NSMCE2: variants seen among roughly 807,000 people sequenced by gnomAD.
NSMCE2 encodes the protein NSE2 SUMO ligase component of SMC5/6 complex.
A neutral mutation model predicts 23.8 loss-of-function variants in NSMCE2; 24 were observed. That is an observed-to-expected ratio of 1.01 (90% confidence interval 0.73 to 1.42). The LOEUF is 1.42. NSMCE2 is among the 40% of genes most tolerant of loss of function. NSMCE2 has a pLI of 0.00. For missense variants in NSMCE2, 284 were observed against 296.5 expected (o/e 0.96, Z 0.31); for synonymous variants, 92 against 94.1 (o/e 0.98, Z 0.13).
At chr8:125,137,029 T>TGTCA (rs1820102764) in intron 3 of NSMCE2, among the ~76,000 whole-genome samples, 1 of 152,138 alleles carries the variant, frequency 6.6e-6, no homozygotes, top group African/African-American at 2.4e-5. Context: ...TTTTTGGTGG[T>TGTCA]GTCAGTGATT....
intron 4 of NSMCE2, among the ~76,000 whole-genome samples, chr8:125,177,354 C>T (rs1156609901): frequency 7.9e-5 from 12 of 152,180 alleles, no homozygotes; most frequent in African/African-American, 2.9e-4. Context: ...TCTATCATAA[C>T]AACTTCTAGC....
intron 5 of NSMCE2, among the ~76,000 whole-genome samples, chr8:125,289,018 C>T (rs1029605397): frequency 1.3e-5 from 2 of 152,090 alleles, no homozygotes; most frequent in African/African-American, 2.4e-5. Context: ...TCTCAAACTC[C>T]TGAGCTCAAG....
intron 3 of NSMCE2, among the ~76,000 whole-genome samples, chr8:125,118,809 G>A (rs983974745): frequency 3.3e-5 from 5 of 152,134 alleles, no homozygotes; most frequent in African/African-American, 1.2e-4. Flanking sequence ...CTCCTTTTCA[G>A]TTGTGTGGGT....
chr8:125,102,379 T>C lies in NSMCE2; in HGVS notation c.49T>C (p.Phe17Leu), dbSNP rs1310118326. 1 of 1,613,754 alleles carries C rather than the reference T, an allele frequency of 6.2e-7. No homozygotes were observed. Among genetic ancestry groups the C allele is most frequent in the Non-Finnish European group, 8.5e-7 (1 of 1,179,630 alleles). Residue 17 changes from phenylalanine (F) to leucine (L), a missense_variant, in exon 3 of 8, where the codon TTC becomes CTC. Phe to Leu is a conservative substitution (Grantham distance 22). Coordinates refer to ENST00000287437, the MANE Select transcript of NSMCE2 (RefSeq NM_173685.4). ...TTCAGGTTCAACTGGTTTCATCTCC[T>C]TCAGTGGTGTAGAGTCTGCTCTCTC... is the stretch of plus-strand genomic sequence containing the variant. The part of the protein sequence containing the change: ...SNSGSTGFIS[F>L]SGVESALSSL...
At chr8:125,259,326 C>T (rs1234308589) in intron 5 of NSMCE2, among the ~76,000 whole-genome samples, 1 of 152,174 alleles carries the variant, frequency 6.6e-6, no homozygotes. Flanking sequence ...CTGGGCCGCA[C>T]AGCAGGAGGT....
rs1210906218 is a variant in NSMCE2, at chr8:125,102,494, A to T, written c.157+7A>T. On this transcript the variant is annotated splice_region_variant and intron_variant, in intron 3 of 7. Coordinates refer to ENST00000287437, the MANE Select transcript of NSMCE2 (RefSeq NM_173685.4). Reference sequence around the variant, plus strand: ...GATCTTGTGGAAAGTCAGAGTAAGTAAAATTAAAACCTCTTTTGTGTCTAC... The same window carrying T: ...GATCTTGTGGAAAGTCAGAGTAAGTTAAATTAAAACCTCTTTTGTGTCTAC... 1.9e-6 allele frequency: 3 copies of T among 1,611,886 alleles called. No homozygotes were observed. Among genetic ancestry groups the T allele is most frequent in the Non-Finnish European group, 2.5e-6 (3 of 1,178,042 alleles).
At chr8:125,362,914 C>T (rs996308531) in intron 7 of NSMCE2, 4 of 152,274 alleles carry the variant, frequency 2.6e-5, no homozygotes, top group African/African-American at 9.7e-5. Flanking sequence ...CATGCACTGA[C>T]TAAAACCATG....
chr8:125,241,876 C>T (rs1825777851), intron 5 of NSMCE2, among the ~76,000 whole-genome samples: 1 of 152,198 alleles, frequency 6.6e-6, no homozygotes, highest in South Asian at 2.1e-4. Context: ...ACAAGAGAGA[C>T]ACCCTGTCTG....
chr8:125,272,764 TATACAC>T (rs1310128726), intron 5 of NSMCE2, among the ~76,000 whole-genome samples: 2 of 143,020 alleles, frequency 1.4e-5, no homozygotes, highest in African/African-American at 5.2e-5. Flanking sequence ...CGTATATATA[TATACAC>T]ACACACGTAT....
intron 5 of NSMCE2, among the ~76,000 whole-genome samples, chr8:125,334,777 T>C (rs997422108): frequency 8.2e-6 from 1 of 122,444 alleles, no homozygotes; most frequent in Admixed American, 8.2e-5. Flanking sequence ...CTTTTCTTTT[T>C]TTTTTTTTTT....
intron 3 of NSMCE2, among the ~76,000 whole-genome samples, chr8:125,126,039 A>C (rs1021916790): frequency 6.6e-6 from 1 of 152,126 alleles, no homozygotes; most frequent in African/African-American, 2.4e-5. Flanking sequence ...GCACAACCTC[A>C]ATCTTCCAGG....
At chr8:125,303,591 A>G (rs145043599) in intron 5 of NSMCE2, among the ~76,000 whole-genome samples, 1,686 of 152,294 alleles carry the variant, frequency 0.011, 37 homozygotes, top group African/African-American at 0.037. Context: ...CTCGCTGTTT[A>G]GGAAAAGGAG....
intron 3 of NSMCE2, among the ~76,000 whole-genome samples, chr8:125,122,514 C>G (rs981573796): frequency 6.6e-6 from 1 of 152,192 alleles, no homozygotes; most frequent in Non-Finnish European, 1.5e-5. Flanking sequence ...TCAACATATG[C>G]TCTTTAAGCC....
intron 5 of NSMCE2, among the ~76,000 whole-genome samples, chr8:125,300,804 G>T (rs1828531192): frequency 6.6e-6 from 1 of 152,150 alleles, no homozygotes; most frequent in African/African-American, 2.4e-5. Flanking sequence ...GGGCTGGTCT[G>T]CAAAGGCTTT....
intron 7 of NSMCE2, among the ~76,000 whole-genome samples, chr8:125,364,043 A>T (rs1269586366): frequency 6.6e-6 from 1 of 152,014 alleles, no homozygotes; most frequent in Non-Finnish European, 1.5e-5. Flanking sequence ...TCCTGGATTC[A>T]AGTGATTTTC....
At chr8:125,257,031 C>A (rs28481333) in intron 5 of NSMCE2, among the ~76,000 whole-genome samples, 1 of 147,872 alleles carries the variant, frequency 6.8e-6, no homozygotes, top group Non-Finnish European at 1.5e-5. Context: ...GGCCTGTAAT[C>A]GCAGCGCTTT....
At chr8:125,183,807 ACT>A (rs1475063948) in intron 5 of NSMCE2, among the ~76,000 whole-genome samples, 2 of 151,964 alleles carry the variant, frequency 1.3e-5, no homozygotes, top group Non-Finnish European at 2.9e-5. Context: ...GTAATTAGAA[ACT>A]CTGATTGGCA....
intron 5 of NSMCE2, among the ~76,000 whole-genome samples, chr8:125,211,487 T>A (rs935073363): frequency 6.6e-6 from 1 of 152,230 alleles, no homozygotes; most frequent in African/African-American, 2.4e-5. Flanking sequence ...TTTTAACCAG[T>A]CACCTGATGG....
intron 5 of NSMCE2, among the ~76,000 whole-genome samples, chr8:125,288,413 C>T (rs970849105): frequency 3.3e-5 from 5 of 152,124 alleles, no homozygotes; most frequent in Non-Finnish European, 7.4e-5. Flanking sequence ...ATTAGACTAA[C>T]CCCCTTCCTT....
Sources: gnomAD v4.1 joint callset for allele counts (sites outside exome capture counted in the v4.1 genomes callset) on GRCh38, gnomAD v4.1.1 for gene constraint, MANE v1.5 for transcripts, NCBI Gene and HGNC (gene_info 2026-07-23, HGNC 2026-07-21) for gene names.